Variants in RBMS1 observed in about 807,000 individuals in gnomAD.
RBMS1 encodes the protein RNA binding motif single stranded interacting protein 1.
Under a neutral mutation model 62.3 loss-of-function variants are expected in RBMS1, and 17 were observed. That is an observed-to-expected ratio of 0.27 (90% CI 0.19 to 0.41). The LOEUF (loss-of-function observed/expected upper bound fraction) is 0.41, where lower values mean the gene tolerates loss of function less well. Ranked by LOEUF, RBMS1 falls within the 10% of genes least tolerant of loss-of-function variation. RBMS1 has a pLI of 1.00. For missense variants in RBMS1, 334 were observed against 504.5 expected (o/e 0.66, Z 3.24); for synonymous variants, 172 against 170.0 (o/e 1.01, Z -0.09).
At chr2:160,444,976 A>C (rs1180793536) in intron 1 of RBMS1, among the ~76,000 whole-genome samples, 1 of 152,176 alleles carries the variant, frequency 6.6e-6, no homozygotes, top group Non-Finnish European at 1.5e-5. Context: ...TAAACCACCC[A>C]GTCTATGGTA....
intron 1 of RBMS1, among the ~76,000 whole-genome samples, chr2:160,404,008 C>A (rs1163110076): frequency 2.0e-5 from 3 of 152,126 alleles, no homozygotes; most frequent in African/African-American, 7.2e-5. Context: ...CTACAAAAGT[C>A]CTGATAAATG....
At chr2:160,311,731 T>C (rs1358460347) in intron 4 of RBMS1, among the ~76,000 whole-genome samples, 2 of 151,526 alleles carry the variant, frequency 1.3e-5, no homozygotes, top group African/African-American at 2.4e-5. Context: ...TATAAAAGTA[T>C]TGCTCTTTTA....
intron 2 of RBMS1, among the ~76,000 whole-genome samples, chr2:160,324,601 A>C (rs1690782194): frequency 6.6e-6 from 1 of 151,988 alleles, no homozygotes; most frequent in Non-Finnish European, 1.5e-5. Flanking sequence ...AATGTTGCTC[A>C]TGCATATAGA....
At chr2:160,480,466 C>T (rs1685318734) in intron 1 of RBMS1, among the ~76,000 whole-genome samples, 1 of 152,110 alleles carries the variant, frequency 6.6e-6, no homozygotes, top group Non-Finnish European at 1.5e-5. Flanking sequence ...TACCATAATA[C>T]AGATCTTGAA....
intron 1 of RBMS1, among the ~76,000 whole-genome samples, chr2:160,450,564 G>GAAAAAAAAAAAAAAAAAAAAAA: frequency 1.8e-5 from 1 of 56,578 alleles, no homozygotes; most frequent in Non-Finnish European, 3.1e-5. Flanking sequence ...AATAAAAAAT[G>GAAAAAAAAAAAAAAAAAAAAAA]AAAAAAAAAA....
chr2:160,359,659 T>A (rs979194526), intron 2 of RBMS1, among the ~76,000 whole-genome samples: 1 of 152,212 alleles, frequency 6.6e-6, no homozygotes, highest in Non-Finnish European at 1.5e-5. Context: ...AGAGTAAATG[T>A]TGAAGGTAAC....
intron 1 of RBMS1, among the ~76,000 whole-genome samples, chr2:160,439,241 G>A (rs1191529050): frequency 2.6e-5 from 4 of 151,638 alleles, no homozygotes; most frequent in Non-Finnish European, 2.9e-5. Context: ...GGACGGAGAC[G>A]CTCCTCACTT....
chr2:160,347,520 C>T (rs138484518), intron 2 of RBMS1, among the ~76,000 whole-genome samples: 1 of 152,140 alleles, frequency 6.6e-6, no homozygotes, highest in African/African-American at 2.4e-5. Context: ...AGTAAGACTA[C>T]AGAACTGGAA....
intron 2 of RBMS1, among the ~76,000 whole-genome samples, chr2:160,324,882 G>GTA (rs201492090): frequency 0.015 from 1,528 of 99,904 alleles, 15 homozygotes; most frequent in African/African-American, 0.025. Flanking sequence ...GTGTGTGTGT[G>GTA]TATATATATA....
chr2:160,392,033 C>T (rs964900552), intron 1 of RBMS1, among the ~76,000 whole-genome samples: 3 of 152,086 alleles, frequency 2.0e-5, no homozygotes, highest in African/African-American at 7.2e-5. Flanking sequence ...GTGAAGGATG[C>T]TTCCCCAAAT....
At chr2:160,313,373 G>A (rs1262904297) in intron 3 of RBMS1, 126 bp from the exon 4 acceptor site, 16 of 831,604 alleles carry the variant, frequency 1.9e-5, no homozygotes, top group South Asian at 5.5e-5. Context: ...GGGAGCTCAG[G>A]CGTTAACAGC....
At chr2:160,278,391 G>C (rs1574199978) in intron 11 of RBMS1, 157 bp downstream of exon 11, 1 of 655,850 alleles carries the variant, frequency 1.5e-6, no homozygotes, top group East Asian at 2.7e-5. Context: ...TTAAGAAATA[G>C]CTGAGTATTT....
chr2:160,348,467 T>C (rs568462310), intron 2 of RBMS1, among the ~76,000 whole-genome samples: 1 of 152,192 alleles, frequency 6.6e-6, no homozygotes, highest in Non-Finnish European at 1.5e-5. Context: ...AGACATACCC[T>C]AGAAGGCAAA....
intron 1 of RBMS1, chr2:160,407,840 C>G: frequency 1.0e-6 from 1 of 981,292 alleles, no homozygotes; most frequent in Non-Finnish European, 1.2e-6. Context: ...CGCCGACTCT[C>G]CCGGCGGCAG....
At chr2:160,435,810 G>A (rs146758243) in intron 1 of RBMS1, among the ~76,000 whole-genome samples, 38 of 152,286 alleles carry the variant, frequency 2.5e-4, no homozygotes, top group African/African-American at 8.9e-4. Context: ...AAATTTCCTA[G>A]CACTCAAGAA....
chr2:160,292,953 C>T (rs1017474967), intron 6 of RBMS1, among the ~76,000 whole-genome samples: 23 of 152,260 alleles, frequency 1.5e-4, no homozygotes, highest in East Asian at 7.7e-4. Context: ...CCTGTTCCAG[C>T]GCTTTTGCTG....
intron 1 of RBMS1, among the ~76,000 whole-genome samples, chr2:160,464,691 T>C (rs532028139): frequency 3.9e-5 from 6 of 152,366 alleles, no homozygotes; most frequent in African/African-American, 1.4e-4. Flanking sequence ...TTCACTATTT[T>C]CCATTTAAAA....
chr2:160,463,505 C>T (rs553550736), intron 1 of RBMS1, among the ~76,000 whole-genome samples: 6 of 152,306 alleles, frequency 3.9e-5, no homozygotes, highest in Admixed American at 6.5e-5. Context: ...ACTTTGCGGC[C>T]GGGCGCGGTG....
intron 2 of RBMS1, among the ~76,000 whole-genome samples, chr2:160,328,873 C>T (rs1405036106): frequency 1.3e-5 from 2 of 152,160 alleles, no homozygotes; most frequent in Admixed American, 6.6e-5. Context: ...ATGCATTAAA[C>T]TCCATCACTG....
Sources: gnomAD v4.1 joint callset for allele counts (sites outside exome capture counted in the v4.1 genomes callset) on GRCh38, gnomAD v4.1.1 for gene constraint, MANE v1.5 for transcripts, NCBI Gene and HGNC (gene_info 2026-07-23, HGNC 2026-07-21) for gene names.